CCDC7: variants seen among roughly 807,000 people sequenced by gnomAD.
CCDC7 encodes the protein coiled-coil domain-containing protein 7.
A neutral mutation model predicts 196.9 loss-of-function variants in CCDC7; 183 were observed. The ratio of observed to expected loss-of-function variants is 0.93; its 90% CI spans 0.82 to 1.05. The LOEUF (loss-of-function observed/expected upper bound fraction) is 1.05. Ranked by LOEUF, CCDC7 falls within the 50% of genes least tolerant of loss-of-function variation. CCDC7 has a pLI of 0.00. For missense variants in CCDC7, 1,540 were observed against 1,482.2 expected, an observed-to-expected ratio of 1.04 and a Z score of -0.64; for synonymous variants, 525 against 484.6, an observed-to-expected ratio of 1.08 and a Z score of -1.10.
At chr10:32,624,758 G>A (rs538315183) in intron 18 of CCDC7, among the ~76,000 whole-genome samples, 1 of 152,154 alleles carries the variant, frequency 6.6e-6, no homozygotes, top group East Asian at 1.9e-4. Context: ...GTGTGTGTGT[G>A]TTGATGACTT....
intron 11 of CCDC7, among the ~76,000 whole-genome samples, chr10:32,522,077 G>C (rs1027956833): frequency 1.3e-5 from 2 of 152,148 alleles, no homozygotes; most frequent in African/African-American, 4.8e-5. Flanking sequence ...AATGTGTTTT[G>C]TTAGAGTTTT....
chr10:32,605,271 T>C (rs2061458373), intron 18 of CCDC7, among the ~76,000 whole-genome samples: 1 of 152,114 alleles, frequency 6.6e-6, no homozygotes, highest in African/African-American at 2.4e-5. Flanking sequence ...CAATTAAACC[T>C]CTTTTATTTA....
intron 24 of CCDC7, among the ~76,000 whole-genome samples, chr10:32,701,157 G>C (rs2078650586): frequency 6.6e-6 from 1 of 152,170 alleles, no homozygotes. Context: ...AATGCGTCCA[G>C]TTTTTGTCCA....
intron 20 of CCDC7, among the ~76,000 whole-genome samples, chr10:32,653,821 T>G (rs577966979): frequency 7.2e-4 from 109 of 152,348 alleles, no homozygotes; most frequent in African/African-American, 2.5e-3. Context: ...TCTATGAGTT[T>G]ATTTTTGAAT....
chr10:32,779,579 G>A lies in CCDC7; in HGVS notation c.3013+495G>A, dbSNP rs1184149011. Among the ~76,000 whole-genome samples, 3 of 152,294 alleles carry A rather than the reference G, an allele frequency of 2.0e-5. No individual in the cohort carries two copies. In the East Asian group the frequency reaches 5.8e-4, roughly 29 times the overall value. ...AGCTAGAATATGTGTGAAAGGTAGT[G>A]GTAGTGTGGTTAAGTGACTATTTTC... On this transcript the variant is annotated intron_variant, in intron 29 of 41. Transcript: ENST00000639629.
intron 3 of CCDC7, among the ~76,000 whole-genome samples, chr10:32,461,638 GA>G (rs975165799): frequency 9.0e-4 from 132 of 145,890 alleles, no homozygotes; most frequent in African/African-American, 3.1e-3. Context: ...GCTGCTGTAT[GA>G]AAAAAATATA....
At chr10:32,462,276 T>G (rs1027739115) in intron 3 of CCDC7, among the ~76,000 whole-genome samples, 1 of 151,924 alleles carries the variant, frequency 6.6e-6, no homozygotes, top group African/African-American at 2.4e-5. Context: ...AAATTAAAAA[T>G]TAGCCAGGCA....
At chr10:32,743,134 G>T (rs931891556) in intron 28 of CCDC7, among the ~76,000 whole-genome samples, 8 of 152,260 alleles carry the variant, frequency 5.3e-5, no homozygotes, top group Middle Eastern at 3.4e-3. Context: ...TCCATGTGCA[G>T]GTTTGTATAT....
At chr10:32,772,771 G>T (rs1421755769) in intron 28 of CCDC7, among the ~76,000 whole-genome samples, 2 of 152,204 alleles carry the variant, frequency 1.3e-5, no homozygotes, top group Non-Finnish European at 2.9e-5. Flanking sequence ...CACTGGGTGA[G>T]ATTAGGGCCT....
At chr10:32,597,984 C>T (rs566782210) in intron 18 of CCDC7, among the ~76,000 whole-genome samples, 1 of 152,320 alleles carries the variant, frequency 6.6e-6, no homozygotes, top group African/African-American at 2.4e-5. Context: ...TCTGTCCGTT[C>T]TCAGATCTCA....
intron 18 of CCDC7, among the ~76,000 whole-genome samples, chr10:32,602,869 A>G (rs75528397): frequency 0.043 from 6,600 of 152,276 alleles, 479 homozygotes; most frequent in African/African-American, 0.15. Context: ...CACATGTGAC[A>G]TTTGGATATA....
At chr10:32,728,928 C>G in exon 27 of CCDC7, 1 of 1,608,908 alleles carries the variant, frequency 6.2e-7, no homozygotes, top group Non-Finnish European at 8.5e-7. Flanking sequence ...TTCTGTTCAT[C>G]AAGATTCAAA....
intron 15 of CCDC7, 101 bp from the exon 17 acceptor site, chr10:32,571,758 G>A (rs2057590443): frequency 4.5e-6 from 5 of 1,105,660 alleles, no homozygotes; most frequent in Non-Finnish European, 4.8e-6. Context: ...TTACGAAATT[G>A]TCATATTAAA....
intron 28 of CCDC7, among the ~76,000 whole-genome samples, chr10:32,757,571 C>T (rs1035369867): frequency 2.0e-5 from 3 of 152,182 alleles, no homozygotes; most frequent in Non-Finnish European, 4.4e-5. Flanking sequence ...AAAGATACAA[C>T]ATACCAGAAT....
At chr10:32,474,920 A>G (rs961431478) in intron 8 of CCDC7, among the ~76,000 whole-genome samples, 1 of 152,186 alleles carries the variant, frequency 6.6e-6, no homozygotes, top group African/African-American at 2.4e-5. Flanking sequence ...CCCTCTTTCA[A>G]CTTCAGCTTT....
chr10:32,610,827 G>A (rs905523433), intron 18 of CCDC7, among the ~76,000 whole-genome samples: 14 of 152,168 alleles, frequency 9.2e-5, no homozygotes, highest in African/African-American at 3.1e-4. Flanking sequence ...TATCATTGAT[G>A]GGCATTTTGG....
intron 25 of CCDC7, among the ~76,000 whole-genome samples, chr10:32,714,694 G>A (rs1193908063): frequency 6.6e-6 from 1 of 152,202 alleles, no homozygotes; most frequent in Admixed American, 6.5e-5. Flanking sequence ...AACCTGGGAT[G>A]CTCAAGCTTG....
intron 31 of CCDC7, among the ~76,000 whole-genome samples, chr10:32,815,812 C>T (rs543970418): frequency 4.6e-5 from 7 of 152,318 alleles, no homozygotes; most frequent in South Asian, 2.1e-4. Flanking sequence ...GCATTAGAAA[C>T]TTTTGAAGTC....
At chr10:32,787,988 C>A (rs1292886195) in intron 29 of CCDC7, among the ~76,000 whole-genome samples, 1 of 152,174 alleles carries the variant, frequency 6.6e-6, no homozygotes, top group Admixed American at 6.5e-5. Context: ...CACTTCCAGG[C>A]AAGCTCCAGT....
Sources: allele counts gnomAD v4.1 joint callset (sites outside exome capture counted in the v4.1 genomes callset), GRCh38; gene constraint gnomAD v4.1.1; transcripts MANE v1.5; gene names NCBI Gene and HGNC (gene_info 2026-07-23, HGNC 2026-07-21).